KITLG: variants seen among roughly 807,000 people sequenced by gnomAD.
KITLG encodes c-Kit ligand.
In KITLG, 13 loss-of-function variants were observed where a neutral mutation model predicts 34.1. The ratio of observed to expected loss-of-function variants is 0.38; its 90% CI spans 0.25 to 0.61. The LOEUF is 0.61. Among genes scored for constraint, KITLG ranks in the 20% least tolerant of loss-of-function variants. KITLG has a pLI of 0.60. For missense variants in KITLG, 292 were observed against 318.9 expected (o/e 0.92, Z 0.64); for synonymous variants, 110 against 104.0 (o/e 1.06, Z -0.35).
Position 88,507,035 on chromosome 12 carries a change from T to C in KITLG, c.707A>G (p.Tyr236Cys). The C allele has an allele frequency of 6.4e-7, 1 of 1,563,344 alleles. No individual in the cohort carries two copies. Among genetic ancestry groups the C allele is most frequent in the Non-Finnish European group, 8.8e-7 (1 of 1,133,656 alleles). The change falls in exon 7 of 10, where the codon TAC becomes TGC. Residue 236 changes from tyrosine to cysteine, a missense_variant. Tyr to Cys is a radical substitution (Grantham distance 194). Transcript: ENST00000644744. ...AGGAATGGTACCACTTACCTTCCAGTATAAGGCTCCAAAAGCAAAGCCAAT... is the reference window on the plus strand; with the variant it reads ...AGGAATGGTACCACTTACCTTCCAGCATAAGGCTCCAAAAGCAAAGCCAAT... Reference protein sequence around the residue: ...LIIGFAFGALYWKKRQPSLTR... With the variant: ...LIIGFAFGALCWKKRQPSLTR...
intron 3 of KITLG, among the ~76,000 whole-genome samples, chr12:88,522,590 G>C (rs1268888960): frequency 6.6e-6 from 1 of 152,036 alleles, no homozygotes; most frequent in Non-Finnish European, 1.5e-5. Flanking sequence ...ACCACGCCCA[G>C]CTAACTTTTG....
rs562692421 is a variant in KITLG at position 88,513,515 on chromosome 12, T to A, written c.604+2019A>T. Among the ~76,000 whole-genome samples the A allele has an allele frequency of 2.7e-4, 41 of 151,860 alleles. No individual in the cohort carries two copies. The South Asian group carries it at 5.0e-3, about 18-fold the overall frequency. ...AATAAAATAGTGAAGCCCAAGTGTATGTTGTCTACTAGAGATGTACTTTAA... is the reference window on the plus strand; with the variant it reads ...AATAAAATAGTGAAGCCCAAGTGTAAGTTGTCTACTAGAGATGTACTTTAA... On this transcript the variant is annotated intron_variant, in intron 6 of 9. Transcript: ENST00000644744.
intron 6 of KITLG, among the ~76,000 whole-genome samples, chr12:88,515,108 T>G (rs1369191426): frequency 6.6e-6 from 1 of 151,816 alleles, no homozygotes; most frequent in African/African-American, 2.4e-5. Flanking sequence ...TCTTTGGAAT[T>G]CTATACAACC....
intron 1 of KITLG, among the ~76,000 whole-genome samples, chr12:88,572,854 T>C (rs1871701395): frequency 6.6e-6 from 1 of 152,130 alleles, no homozygotes; most frequent in African/African-American, 2.4e-5. Flanking sequence ...TAATGTATCT[T>C]TCAAACAGCA....
chr12:88,577,551 C>G (rs746873480), intron 1 of KITLG, among the ~76,000 whole-genome samples: 2 of 152,122 alleles, frequency 1.3e-5, no homozygotes, highest in Non-Finnish European at 2.9e-5. Context: ...AAAATAGTTA[C>G]ACATTGAAAG....
chr12:88,575,291 C>T (rs1871790571), intron 1 of KITLG, among the ~76,000 whole-genome samples: 2 of 152,026 alleles, frequency 1.3e-5, no homozygotes, highest in Admixed American at 1.3e-4. Context: ...AAAGTGGCAG[C>T]CTACAAAAAT....
At chr12:88,504,277 G>T (rs1442577065) in intron 9 of KITLG, among the ~76,000 whole-genome samples, 1 of 152,078 alleles carries the variant, frequency 6.6e-6, no homozygotes, top group Non-Finnish European at 1.5e-5. Flanking sequence ...TACTAATGAA[G>T]TTTGTTTCTA....
At chr12:88,536,852 G>A (rs930611549) in intron 2 of KITLG, among the ~76,000 whole-genome samples, 8 of 152,128 alleles carry the variant, frequency 5.3e-5, no homozygotes, top group African/African-American at 9.7e-5. Context: ...GGGGCTAGGC[G>A]AAGGATAGCA....
chr12:88,556,175 G>A (rs961128030), intron 1 of KITLG, among the ~76,000 whole-genome samples: 2 of 148,324 alleles, frequency 1.3e-5, no homozygotes, highest in African/African-American at 2.5e-5. Flanking sequence ...TTAGAATTCT[G>A]TGATTTTTTT....
chr12:88,506,366 T>C lies in KITLG; in HGVS notation c.727A>G (p.Ser243Gly), dbSNP rs765943906. The C allele has an allele frequency of 6.2e-7, 1 of 1,605,706 alleles. No homozygotes were observed. Among genetic ancestry groups the C allele is most frequent in the East Asian group, 2.2e-5 (1 of 44,808 alleles). Residue 243 changes from serine (S) to glycine (G), a missense_variant, in exon 8 of 10, where the codon AGT (serine) becomes GGT (glycine). Physicochemically the swap from Ser to Gly is moderately conservative, Grantham distance 56. Around this residue, in one of 2 missense-constraint regions of KITLG, gnomAD observed 140 missense variants for 111.0 expected, o/e 1.26. Transcript: ENST00000644744. The stretch of plus-strand genomic sequence containing the variant: ...ATATTTTCAACTGCCCTTGTAAGAC[T>C]TGGCTGTCTCTTCTGGAAAAAGAAG... ...GALYWKKRQP[S>G]LTRAVENIQI...
At chr12:88,570,548 C>A (rs1338101165) in intron 1 of KITLG, among the ~76,000 whole-genome samples, 1 of 139,562 alleles carries the variant, frequency 7.2e-6, no homozygotes, top group South Asian at 2.4e-4. Context: ...AAAAAAAAAA[C>A]AAAGAAGTTC....
chr12:88,555,405 T>C (rs1871062611), intron 1 of KITLG, among the ~76,000 whole-genome samples: 1 of 152,218 alleles, frequency 6.6e-6, no homozygotes, highest in African/African-American at 2.4e-5. Context: ...ATTAGGTAAC[T>C]TCCTTATGGC....
intron 2 of KITLG, chr12:88,534,724 T>C: frequency 1.9e-6 from 1 of 514,250 alleles, no homozygotes; most frequent in Non-Finnish European, 3.9e-6. Context: ...TTTTTGTTCA[T>C]TTATTTTTGG....
chr12:88,578,449 C>T (rs1177336882), intron 1 of KITLG, among the ~76,000 whole-genome samples: 1 of 152,140 alleles, frequency 6.6e-6, no homozygotes, highest in Admixed American at 6.5e-5. Flanking sequence ...TTTCTCTGGT[C>T]GGCAGCACTG....
chr12:88,573,640 T>C (rs1317994014), intron 1 of KITLG, among the ~76,000 whole-genome samples: 1 of 152,162 alleles, frequency 6.6e-6, no homozygotes, highest in Non-Finnish European at 1.5e-5. Flanking sequence ...GTTCAGCAGA[T>C]GAACTTCTGC....
At chr12:88,520,020 G>A (rs905192300) in intron 3 of KITLG, among the ~76,000 whole-genome samples, 3 of 152,142 alleles carry the variant, frequency 2.0e-5, no homozygotes, top group South Asian at 2.1e-4. Flanking sequence ...AAGGAAGCAG[G>A]TTTATCTGCA....
At chr12:88,562,346 C>T (rs1289945100) in intron 1 of KITLG, among the ~76,000 whole-genome samples, 1 of 152,186 alleles carries the variant, frequency 6.6e-6, no homozygotes, top group African/African-American at 2.4e-5. Context: ...CAATTCAATC[C>T]TCAGCAGCTG....
At chr12:88,552,444 C>A (rs1380060775) in intron 1 of KITLG, among the ~76,000 whole-genome samples, 1 of 151,778 alleles carries the variant, frequency 6.6e-6, no homozygotes, top group Non-Finnish European at 1.5e-5. Context: ...CCCACTTCAG[C>A]CTCCCAAAAT....
intron 6 of KITLG, among the ~76,000 whole-genome samples, chr12:88,511,322 A>C (rs1472563409): frequency 2.0e-5 from 3 of 152,170 alleles, no homozygotes; most frequent in Non-Finnish European, 4.4e-5. Flanking sequence ...ACAGCAGTAC[A>C]AATGTGTAAT....
Sources: gnomAD v4.1 joint callset for allele counts (sites outside exome capture counted in the v4.1 genomes callset) on GRCh38, gnomAD v4.1.1 for gene constraint, gnomAD v4.1.1 regional missense constraint, MANE v1.5 for transcripts, NCBI Gene and HGNC (gene_info 2026-07-23, HGNC 2026-07-21) for gene names.